The following RBFOX1 variants were observed in gnomAD, a reference collection of about 807,000 sequenced individuals.
The protein encoded by RBFOX1 is RNA binding protein fox-1 homolog 1.
RBFOX1 carries 8 observed loss-of-function variants against 57.7 expected under a neutral mutation model. The ratio of observed to expected loss-of-function variants is 0.14; its 90% CI spans 0.08 to 0.25. The LOEUF (loss-of-function observed/expected upper bound fraction) is 0.25, where lower values mean the gene tolerates loss of function less well. Among genes scored for constraint, RBFOX1 ranks in the 10% least tolerant of loss-of-function variants. RBFOX1 has a pLI of 1.00. For missense variants in RBFOX1, 611 were observed against 548.5 expected (o/e 1.11, Z -1.14); for synonymous variants, 326 against 222.4 (o/e 1.47, Z -4.15).
chr16:6,109,400 T>C (rs1185533131), intron 1 of RBFOX1, among the ~76,000 whole-genome samples: 1 of 152,224 alleles, frequency 6.6e-6, no homozygotes, highest in African/African-American at 2.4e-5. Flanking sequence ...TCTCCTCTAC[T>C]GACTTATTTT....
intron 4 of RBFOX1, among the ~76,000 whole-genome samples, chr16:7,107,603 C>A (rs1599696984): frequency 1.3e-5 from 2 of 152,060 alleles, no homozygotes; most frequent in African/African-American, 4.8e-5. Context: ...AAGCTTCTTC[C>A]TACGTCGCTG....
intron 2 of RBFOX1, among the ~76,000 whole-genome samples, chr16:6,541,214 G>T (rs575096110): frequency 6.6e-6 from 1 of 152,278 alleles, no homozygotes; most frequent in South Asian, 2.1e-4. Context: ...TCCTGTCTTA[G>T]GCTCTGAAGG....
chr16:7,668,207 T>C (rs2070064442), intron 13 of RBFOX1, among the ~76,000 whole-genome samples: 2 of 152,188 alleles, frequency 1.3e-5, no homozygotes, highest in Non-Finnish European at 2.9e-5. Flanking sequence ...TTTCCATGCC[T>C]ACCACCTGAG....
intron 2 of RBFOX1, among the ~76,000 whole-genome samples, chr16:6,506,735 C>G (rs1206130441): frequency 1.4e-5 from 2 of 140,758 alleles, no homozygotes; most frequent in African/African-American, 5.3e-5. Context: ...GCAACTTCTG[C>G]CTCCAGGTTC....
intron 4 of RBFOX1, among the ~76,000 whole-genome samples, chr16:7,411,597 A>C (rs2098425793): frequency 6.6e-6 from 1 of 152,192 alleles, no homozygotes. Context: ...CTGACTGTCA[A>C]GGTGATCAAA....
In RBFOX1 at chr16:7,320,222, C is replaced by T. The variant is rs895232200; in HGVS notation, c.28-197925C>T. Among the ~76,000 whole-genome samples the T allele has an allele frequency of 4.6e-5, 7 of 152,234 alleles. 1 individual carries two copies. In the South Asian group the frequency reaches 1.5e-3, roughly 32 times the overall value. ...TTCATCAGCTATTTATCCTGATGCTCTCCCTTCCCCCACCACCCCCTACAG... is the reference window on the plus strand; with the variant it reads ...TTCATCAGCTATTTATCCTGATGCTTTCCCTTCCCCCACCACCCCCTACAG... On this transcript the variant is annotated intron_variant, in intron 4 of 15. Coordinates refer to ENST00000550418, the MANE Select transcript of RBFOX1 (RefSeq NM_018723.4).
At position 6,934,648 on chromosome 16, in the gene RBFOX1, G is replaced by A. The variant is rs942077427; in HGVS notation, c.-15-117409G>A. On this transcript the variant is annotated intron_variant, in intron 3 of 15. Transcript: ENST00000550418. ...TTGTGAAATTACTCAAGCACAGAAAGACAAGTACCATATTCTCACTCATAT... is the reference window on the plus strand; with the variant it reads ...TTGTGAAATTACTCAAGCACAGAAAAACAAGTACCATATTCTCACTCATAT... Among the ~76,000 whole-genome samples, 19 of 152,280 alleles carry A rather than the reference G, an allele frequency of 1.2e-4. No homozygotes were observed. In the South Asian group the frequency reaches 3.9e-3, roughly 32 times the overall value.
At chr16:6,501,408 G>C (rs1231868006) in intron 2 of RBFOX1, among the ~76,000 whole-genome samples, 1 of 148,414 alleles carries the variant, frequency 6.7e-6, no homozygotes, top group East Asian at 2.0e-4. Flanking sequence ...TTTTGTCCTT[G>C]CGATAGTTTG....
chr16:5,739,239 G>C (rs1442982096), intron 3 of RBFOX1, among the ~76,000 whole-genome samples: 6 of 152,204 alleles, frequency 3.9e-5, no homozygotes, highest in Non-Finnish European at 8.8e-5. Context: ...GATTGAGGGG[G>C]AACTTGGCGT....
intron 3 of RBFOX1, among the ~76,000 whole-genome samples, chr16:6,939,195 A>T (rs2077898814): frequency 6.6e-6 from 1 of 152,208 alleles, no homozygotes; most frequent in Non-Finnish European, 1.5e-5. Context: ...AGAGAAAAAT[A>T]ATTTATTAGG....
At chr16:7,255,191 G>T (rs1219494264) in intron 4 of RBFOX1, among the ~76,000 whole-genome samples, 1 of 152,136 alleles carries the variant, frequency 6.6e-6, no homozygotes, top group Non-Finnish European at 1.5e-5. Flanking sequence ...TGAGGCTGAG[G>T]GTAGAGATAT....
intron 1 of RBFOX1, among the ~76,000 whole-genome samples, chr16:5,276,800 A>C (rs1408812894): frequency 2.0e-5 from 3 of 152,162 alleles, no homozygotes; most frequent in Non-Finnish European, 1.5e-5. Context: ...GCAAAAATTG[A>C]TGTTGGCATG....
At chr16:6,566,350 A>T (rs1248711731) in intron 2 of RBFOX1, among the ~76,000 whole-genome samples, 1 of 152,150 alleles carries the variant, frequency 6.6e-6, no homozygotes, top group African/African-American at 2.4e-5. Context: ...TACCTTTAAG[A>T]TGTGTAGTTA....
chr16:6,318,448 A>C (rs8051127), intron 2 of RBFOX1, among the ~76,000 whole-genome samples: 37,288 of 152,084 alleles, frequency 0.25, 4,683 homozygotes, highest in African/African-American at 0.29. Flanking sequence ...TTTTCTGTTT[A>C]AAGCAGCATC....
chr16:6,653,744 G>A (rs1315265649), intron 2 of RBFOX1, among the ~76,000 whole-genome samples: 1 of 151,828 alleles, frequency 6.6e-6, no homozygotes, highest in African/African-American at 2.4e-5. Context: ...ATAGATGGAT[G>A]GATGGGTGGG....
At chr16:6,937,588 G>T (rs1409874696) in intron 3 of RBFOX1, among the ~76,000 whole-genome samples, 1 of 152,096 alleles carries the variant, frequency 6.6e-6, no homozygotes. Context: ...GAGATGTGAG[G>T]CATTAATCAA....
chr16:7,521,033 A>T (rs2077407206), intron 5 of RBFOX1, among the ~76,000 whole-genome samples: 1 of 152,226 alleles, frequency 6.6e-6, no homozygotes, highest in Admixed American at 6.5e-5. Flanking sequence ...TGTGTGATAG[A>T]TGTCTTAAGG....
intron 11 of RBFOX1, among the ~76,000 whole-genome samples, chr16:7,644,656 G>A (rs1313510432): frequency 1.3e-5 from 2 of 152,174 alleles, no homozygotes; most frequent in Admixed American, 6.5e-5. Context: ...CCTTGTGCTC[G>A]GTCATCTTCT....
At chr16:7,384,449 A>G (rs2097844559) in intron 4 of RBFOX1, among the ~76,000 whole-genome samples, 1 of 152,156 alleles carries the variant, frequency 6.6e-6, no homozygotes, top group African/African-American at 2.4e-5. Flanking sequence ...CTTGGAGCTG[A>G]TATTGAAGAG....
Sources: gnomAD v4.1 joint callset for allele counts (sites outside exome capture counted in the v4.1 genomes callset) on GRCh38, gnomAD v4.1.1 for gene constraint, MANE v1.5 for transcripts, NCBI Gene and HGNC (gene_info 2026-07-23, HGNC 2026-07-21) for gene names.